Variants in DLG2 observed in about 807,000 individuals in gnomAD.
DLG2 encodes disks large homolog 2.
Under a neutral mutation model 132.5 loss-of-function variants are expected in DLG2, and 45 were observed. The ratio of observed to expected loss-of-function variants is 0.34; its 90% CI spans 0.27 to 0.44. The LOEUF (loss-of-function observed/expected upper bound fraction) is 0.44, where lower values mean the gene tolerates loss of function less well. Ranked by LOEUF, DLG2 falls within the 20% of genes least tolerant of loss-of-function variation. DLG2 has a pLI of 1.00. For missense variants in DLG2, 1,045 were observed against 1,196.9 expected (o/e 0.87, Z 1.87); for synonymous variants, 424 against 419.6 (o/e 1.01, Z -0.13).
intron 3 of DLG2, among the ~76,000 whole-genome samples, chr11:85,314,268 A>G (rs2080500380): frequency 6.6e-6 from 1 of 151,960 alleles, no homozygotes. Flanking sequence ...ATTTCTGTCT[A>G]ACACGATAGA....
At chr11:85,289,877 T>G (rs2078785654) in intron 3 of DLG2, among the ~76,000 whole-genome samples, 1 of 152,206 alleles carries the variant, frequency 6.6e-6, no homozygotes, top group Admixed American at 6.5e-5. Context: ...AACATACTGC[T>G]TGAATCTACT....
intron 6 of DLG2, among the ~76,000 whole-genome samples, chr11:85,061,331 CT>C (rs11339072): frequency 0.72 from 108,688 of 151,388 alleles, 40,567 homozygotes; most frequent in East Asian, 0.94. Context: ...GCACTGGCAT[CT>C]TTTTTTCTAC....
At chr11:83,682,389 G>T in intron 18 of DLG2, 1 of 985,350 alleles carries the variant, frequency 1.0e-6, no homozygotes, top group Non-Finnish European at 1.2e-6. Flanking sequence ...CGCTCACTGG[G>T]TACATATATT....
intron 7 of DLG2, among the ~76,000 whole-genome samples, chr11:84,364,836 G>A (rs781743418): frequency 2.0e-5 from 3 of 151,998 alleles, no homozygotes; most frequent in African/African-American, 7.2e-5. Context: ...TATATTGAAG[G>A]AGCCTTGCAT....
chr11:84,502,386 CTTTCTTTCTTTCTTTCTTT>C (rs2099221198), intron 7 of DLG2, among the ~76,000 whole-genome samples: 1 of 90,744 alleles, frequency 1.1e-5, no homozygotes, highest in Non-Finnish European at 2.1e-5. Flanking sequence ...TTCTTTCTTT[CTTTCTTTCTTTCTTTCTTT>C]CTTTCTTTCT....
At chr11:85,218,516 T>A (rs1480012999) in intron 4 of DLG2, among the ~76,000 whole-genome samples, 1 of 152,128 alleles carries the variant, frequency 6.6e-6, no homozygotes, top group Non-Finnish European at 1.5e-5. Flanking sequence ...CACAATGAGA[T>A]ATGATCTCAC....
chr11:83,963,161 G>C, intron 13 of DLG2, 138 bp from the exon 14 acceptor site: 2 of 849,114 alleles, frequency 2.4e-6, no homozygotes, highest in South Asian at 1.7e-5. Context: ...CCAGAGGGGG[G>C]AGTTGCAGCT....
intron 3 of DLG2, among the ~76,000 whole-genome samples, chr11:85,472,280 C>T (rs561290812): frequency 1.7e-4 from 26 of 152,052 alleles, no homozygotes; most frequent in Non-Finnish European, 2.2e-4. Flanking sequence ...ACCTCAGGTC[C>T]TCTCAACTGA....
intron 25 of DLG2, among the ~76,000 whole-genome samples, chr11:83,467,765 C>CTATATGTA (rs2091316007): frequency 1.0e-5 from 1 of 98,982 alleles, no homozygotes; most frequent in Non-Finnish European, 2.0e-5. Flanking sequence ...AAAATAAAAA[C>CTATATGTA]TATATGTATA....
chr11:84,803,917 G>C (rs984926878), intron 6 of DLG2, among the ~76,000 whole-genome samples: 25 of 152,182 alleles, frequency 1.6e-4, no homozygotes, highest in Non-Finnish European at 3.2e-4. Context: ...TCCTAGAACA[G>C]AGCCTGATAG....
intron 7 of DLG2, among the ~76,000 whole-genome samples, chr11:84,312,543 TA>T (rs2154390409): frequency 6.6e-6 from 1 of 152,186 alleles, no homozygotes; most frequent in East Asian, 1.9e-4. Context: ...AGAGATGCAG[TA>T]TTTTTTTCCA....
chr11:84,692,378 C>T (rs1266929247), intron 6 of DLG2, among the ~76,000 whole-genome samples: 1 of 151,506 alleles, frequency 6.6e-6, no homozygotes, highest in Non-Finnish European at 1.5e-5. Context: ...TGTATCTGTC[C>T]ATTATTAACC....
intron 6 of DLG2, among the ~76,000 whole-genome samples, chr11:85,036,881 A>C (rs1490573663): frequency 2.0e-5 from 3 of 152,166 alleles, no homozygotes; most frequent in Non-Finnish European, 4.4e-5. Flanking sequence ...GGGAGTGCTG[A>C]TCAGTTACAA....
At chr11:85,519,023 A>C (rs1348102952) in intron 3 of DLG2, among the ~76,000 whole-genome samples, 2 of 152,186 alleles carry the variant, frequency 1.3e-5, no homozygotes, top group African/African-American at 4.8e-5. Context: ...ATGGAAAGAC[A>C]TATGGAAACA....
At chr11:85,501,343 C>G (rs2093798183) in intron 3 of DLG2, among the ~76,000 whole-genome samples, 1 of 152,162 alleles carries the variant, frequency 6.6e-6, no homozygotes, top group African/African-American at 2.4e-5. Context: ...AAATACCATT[C>G]AGGACATAGG....
At chr11:83,798,504 T>C (rs1379428786) in intron 17 of DLG2, among the ~76,000 whole-genome samples, 2 of 152,120 alleles carry the variant, frequency 1.3e-5, no homozygotes, top group East Asian at 3.9e-4. Context: ...TATCTTAGGA[T>C]AAAAGTAGGT....
intron 6 of DLG2, among the ~76,000 whole-genome samples, chr11:85,046,148 C>A (rs565817005): frequency 6.6e-6 from 1 of 152,020 alleles, no homozygotes; most frequent in African/African-American, 2.4e-5. Flanking sequence ...CAAAGGATCC[C>A]GAACAGAATT....
intron 6 of DLG2, among the ~76,000 whole-genome samples, chr11:84,830,960 C>CA (rs151190710): frequency 1.9e-5 from 2 of 106,022 alleles, no homozygotes; most frequent in East Asian, 3.5e-4. Context: ...CTCCCCCCAC[C>CA]CCCCCCAGCT....
rs573985023 is a variant in DLG2, at chr11:84,083,634, A to G, written c.749+15289T>C. Among the ~76,000 whole-genome samples the G allele has an allele frequency of 2.0e-5, 3 of 152,274 alleles. No homozygotes were observed. In the South Asian group the frequency reaches 6.2e-4, roughly 32 times the overall value. On this transcript the variant is annotated intron_variant, in intron 10 of 27. Transcript: ENST00000376104. Reference sequence around the variant, plus strand: ...TGGTTATAAAGCAAGTCTGGCCTATAGTATCTCTCTCTGTATTGTGTACTT... The same window carrying G: ...TGGTTATAAAGCAAGTCTGGCCTATGGTATCTCTCTCTGTATTGTGTACTT...
Sources: allele counts gnomAD v4.1 joint callset (sites outside exome capture counted in the v4.1 genomes callset), GRCh38; gene constraint gnomAD v4.1.1; transcripts MANE v1.5; gene names NCBI Gene and HGNC (gene_info 2026-07-23, HGNC 2026-07-21).